Variants in AKAP6 observed in about 807,000 individuals in gnomAD.
AKAP6 encodes the protein A-kinase anchor protein 6.
A neutral mutation model predicts 188.5 loss-of-function variants in AKAP6; 58 were observed. The ratio of observed to expected loss-of-function variants is 0.31; its 90% CI spans 0.25 to 0.38. The LOEUF (loss-of-function observed/expected upper bound fraction) is 0.38, where lower values mean the gene tolerates loss of function less well. AKAP6 is among the 10% of genes least tolerant of loss of function. The probability of loss-of-function intolerance (pLI) is 1.00; values close to 1 mark genes in which losing one functional copy is unlikely to be tolerated. For missense variants in AKAP6, 2,710 were observed against 2,740.0 expected (o/e 0.99, Z 0.24); for synonymous variants, 989 against 998.6 (o/e 0.99, Z 0.18).
At position 32,503,521 on chromosome 14, in the gene AKAP6, GT is replaced by G. The variant is rs921228230; in HGVS notation, c.325-32024del. Among the ~76,000 whole-genome samples, 9 of 150,350 alleles carry G rather than the reference GT, an allele frequency of 6.0e-5. 1 individual carries two copies. In the South Asian group the frequency reaches 1.5e-3, roughly 25 times the overall value. On this transcript the variant is annotated intron_variant, in intron 2 of 13. Coordinates refer to ENST00000280979, the MANE Select transcript of AKAP6 (RefSeq NM_004274.5). ...TACAGGGTTATATGTAACTTACAGG[GT>G]TTTTTTTTCTAGTAATTTTTACATT... is the stretch of plus-strand genomic sequence containing the variant.
intron 13 of AKAP6, among the ~76,000 whole-genome samples, chr14:32,826,573 G>T (rs2034678982): frequency 6.6e-6 from 1 of 152,194 alleles, no homozygotes; most frequent in South Asian, 2.1e-4. Flanking sequence ...ATGTGACTGT[G>T]ACCCTCAAGT....
intron 9 of AKAP6, among the ~76,000 whole-genome samples, chr14:32,712,481 T>C (rs2029938656): frequency 6.6e-6 from 1 of 152,064 alleles, no homozygotes; most frequent in African/African-American, 2.4e-5. Context: ...TGCCGTTTGA[T>C]AGCATTTTAC....
At chr14:32,540,356 G>A (rs1344878619) in intron 3 of AKAP6, among the ~76,000 whole-genome samples, 10 of 151,214 alleles carry the variant, frequency 6.6e-5, no homozygotes, top group Non-Finnish European at 1.2e-4. Context: ...ATGCCACCAC[G>A]CCCAGCTAAT....
chr14:32,517,157 C>G (rs1370276360), intron 2 of AKAP6, among the ~76,000 whole-genome samples: 1 of 152,182 alleles, frequency 6.6e-6, no homozygotes, highest in East Asian at 1.9e-4. Flanking sequence ...TCCTCGAAAA[C>G]TAGCTAAAGA....
At chr14:32,724,150 A>G (rs1232689508) in intron 9 of AKAP6, among the ~76,000 whole-genome samples, 2 of 152,210 alleles carry the variant, frequency 1.3e-5, no homozygotes, top group Non-Finnish European at 2.9e-5. Flanking sequence ...TGATCTCTGA[A>G]CTAAAATGCA....
chr14:32,369,195 G>T (rs1419044211), intron 1 of AKAP6, among the ~76,000 whole-genome samples: 2 of 152,158 alleles, frequency 1.3e-5, no homozygotes, highest in Non-Finnish European at 2.9e-5. Context: ...CTGCTACCAA[G>T]ATATGCAGTG....
intron 11 of AKAP6, among the ~76,000 whole-genome samples, chr14:32,740,343 A>G (rs1437731750): frequency 6.6e-6 from 1 of 151,174 alleles, no homozygotes; most frequent in Non-Finnish European, 1.5e-5. Flanking sequence ...TCATCTTGTT[A>G]TTTCCTTTGC....
chr14:32,636,628 T>A (rs183464186), intron 7 of AKAP6, among the ~76,000 whole-genome samples: 1 of 152,064 alleles, frequency 6.6e-6, no homozygotes, highest in Non-Finnish European at 1.5e-5. Flanking sequence ...GGGAATCACA[T>A]AGCTTTCTGA....
At chr14:32,572,366 A>G (rs9322906) in intron 4 of AKAP6, among the ~76,000 whole-genome samples, 120,942 of 151,890 alleles carry the variant, frequency 0.8, 48,252 homozygotes, top group East Asian at 0.9. Context: ...CTATAATTAT[A>G]TAATCCCGTT....
intron 4 of AKAP6, among the ~76,000 whole-genome samples, chr14:32,562,862 C>T (rs1469770600): frequency 6.6e-6 from 1 of 152,144 alleles, no homozygotes; most frequent in Non-Finnish European, 1.5e-5. Context: ...AAGCTATTTT[C>T]CTTATCCTAT....
rs984170610 is a variant in AKAP6 at position 32,717,271 on chromosome 14, T to A, written c.3001-15183T>A. Among the ~76,000 whole-genome samples the A allele has an allele frequency of 2.1e-4, 32 of 152,134 alleles. 1 individual carries two copies. Among genetic ancestry groups the A allele is most frequent in the Admixed American group, 2.0e-3 (31 of 15,250 alleles). ...ATCCTTGTACTTCTGCTTCTTTTGG[T>A]TCTAATATCCTCTTAATGAATTTTT... On this transcript the variant is annotated intron_variant, in intron 9 of 13. Coordinates refer to ENST00000280979, the MANE Select transcript of AKAP6 (RefSeq NM_004274.5).
Position 32,600,712 on chromosome 14 carries a change from A to C in AKAP6, c.2650A>C (p.Arg884=). The part of the protein sequence containing the change: ...QIKRQHSWIL[R]ALDTIKAEIL... ...CAAACGGCAGCACAGCTGGATTCTC[A>C]GGGCTCTGGATACCATCAAAGCCGA... Residue 884 remains arginine (R), a synonymous_variant, in exon 7 of 14, where the codon AGG becomes CGG. Coordinates refer to ENST00000280979, the MANE Select transcript of AKAP6 (RefSeq NM_004274.5). 1 of 1,613,690 alleles carries C rather than the reference A, an allele frequency of 6.2e-7. No homozygotes were observed. Among genetic ancestry groups the C allele is most frequent in the Non-Finnish European group, 8.5e-7 (1 of 1,179,812 alleles).
At chr14:32,360,696 C>T (rs1179843340) in intron 1 of AKAP6, among the ~76,000 whole-genome samples, 1 of 146,026 alleles carries the variant, frequency 6.8e-6, no homozygotes, top group Non-Finnish European at 1.5e-5. Context: ...CCAGATTGTT[C>T]CAGTTTTGGC....
intron 8 of AKAP6, among the ~76,000 whole-genome samples, chr14:32,688,593 A>G (rs1227080208): frequency 2.0e-5 from 3 of 152,116 alleles, no homozygotes; most frequent in African/African-American, 4.8e-5. Flanking sequence ...ATAAATCTAT[A>G]TCAGATGACG....
chr14:32,801,898 A>G (rs2033961174), intron 12 of AKAP6, among the ~76,000 whole-genome samples: 1 of 152,096 alleles, frequency 6.6e-6, no homozygotes, highest in South Asian at 2.1e-4. Flanking sequence ...CTATGGATAC[A>G]GTTTTTTATC....
At chr14:32,786,314 T>TTTTTTTTTTTTTG in intron 12 of AKAP6, among the ~76,000 whole-genome samples, 2 of 104,830 alleles carry the variant, frequency 1.9e-5, no homozygotes, top group Non-Finnish European at 4.1e-5. Flanking sequence ...TTTTTTTTTT[T>TTTTTTTTTTTTTG]TTTTTTTTTT....
chr14:32,776,454 A>T (rs1364872829), intron 12 of AKAP6, among the ~76,000 whole-genome samples: 1 of 152,024 alleles, frequency 6.6e-6, no homozygotes, highest in Non-Finnish European at 1.5e-5. Context: ...CCCCAGCCAC[A>T]TGGAACTGTG....
At chr14:32,422,014 T>C (rs1889866380) in intron 1 of AKAP6, among the ~76,000 whole-genome samples, 2 of 152,208 alleles carry the variant, frequency 1.3e-5, no homozygotes, top group African/African-American at 2.4e-5. Context: ...TGATTCATTC[T>C]TTCTAGGTAA....
intron 9 of AKAP6, among the ~76,000 whole-genome samples, chr14:32,710,224 T>A (rs1227797032): frequency 6.6e-6 from 1 of 151,576 alleles, no homozygotes; most frequent in Non-Finnish European, 1.5e-5. Flanking sequence ...CTCTTCCATT[T>A]AGGGACAGAG....
Sources: gnomAD v4.1 joint callset for allele counts (sites outside exome capture counted in the v4.1 genomes callset) on GRCh38, gnomAD v4.1.1 for gene constraint, MANE v1.5 for transcripts, NCBI Gene and HGNC (gene_info 2026-07-23, HGNC 2026-07-21) for gene names.